GNAQ: variants seen among roughly 807,000 people sequenced by gnomAD.
GNAQ encodes the protein guanine nucleotide-binding protein G(q) subunit alpha.
A neutral mutation model predicts 43.9 loss-of-function variants in GNAQ; 8 were observed. The ratio of observed to expected loss-of-function variants is 0.18; its 90% CI spans 0.11 to 0.33. The LOEUF (loss-of-function observed/expected upper bound fraction) is 0.33, where lower values mean the gene tolerates loss of function less well. GNAQ is among the 10% of genes least tolerant of loss of function. The probability of loss-of-function intolerance (pLI) is 1.00; values close to 1 mark genes in which losing one functional copy is unlikely to be tolerated. For synonymous variants in GNAQ, 155 were observed against 170.7 expected, an observed-to-expected ratio of 0.91 and a Z score of 0.71; for missense variants, 158 against 450.8, an observed-to-expected ratio of 0.35 and a Z score of 5.88.
chr9:77,868,664 C>G (rs1827986768), intron 2 of GNAQ, among the ~76,000 whole-genome samples: 2 of 152,218 alleles, frequency 1.3e-5, no homozygotes, highest in South Asian at 4.1e-4. Flanking sequence ...GGTGTGGTGG[C>G]ACGTGCCTGT....
chr9:77,966,149 A>T (rs1310115735), intron 1 of GNAQ, among the ~76,000 whole-genome samples: 6 of 152,114 alleles, frequency 3.9e-5, no homozygotes, highest in Admixed American at 1.3e-4. Flanking sequence ...CAGGAATCAG[A>T]TCAGTGTTTG....
chr9:77,922,341 T>C lies in GNAQ; in HGVS notation c.141A>G (p.Thr47=), dbSNP rs1428777047. The change falls in exon 2 of 7, where the codon ACA becomes ACG. Residue 47 remains threonine (T), a synonymous_variant. Coordinates refer to ENST00000286548, the MANE Select transcript of GNAQ (RefSeq NM_002072.5). The stretch of plus-strand genomic sequence containing the variant: ...TAAACGTACTCTTGCCACTCTCTCC[T>C]GTCCCTGAAAGATGAACAATAGCAG... The part of the protein sequence containing the change: ...RRELKLLLLG[T]GESGKSTFIK... 1.9e-6 allele frequency: 3 copies of C among 1,610,354 alleles called. No homozygotes were observed. Among genetic ancestry groups the C allele is most frequent in the Non-Finnish European group, 8.5e-7 (1 of 1,177,020 alleles).
At chr9:77,984,078 C>CAAAAAAAAAAAAAAAAAAAAAAAAAAA (rs1823403221) in intron 1 of GNAQ, among the ~76,000 whole-genome samples, 1 of 92,954 alleles carries the variant, frequency 1.1e-5, no homozygotes, top group African/African-American at 4.4e-5. Flanking sequence ...AAAAAAAAAT[C>CAAAAAAAAAAAAAAAAAAAAAAAAAAA]ACCTAGATGA....
At chr9:77,768,345 T>TAATA (rs1826166926) in intron 5 of GNAQ, among the ~76,000 whole-genome samples, 1 of 152,196 alleles carries the variant, frequency 6.6e-6, no homozygotes, top group Non-Finnish European at 1.5e-5. Context: ...AACTAGATGA[T>TAATA]TTATTAAGAC....
At chr9:77,725,631 A>C (rs1247039980) in intron 6 of GNAQ, among the ~76,000 whole-genome samples, 1 of 150,816 alleles carries the variant, frequency 6.6e-6, no homozygotes, top group Non-Finnish European at 1.5e-5. Flanking sequence ...AATATTCACA[A>C]TGGGCACATG....
intron 5 of GNAQ, among the ~76,000 whole-genome samples, chr9:77,775,264 G>T (rs913539383): frequency 1.3e-5 from 2 of 152,030 alleles, no homozygotes; most frequent in African/African-American, 4.8e-5. Context: ...ACTACAATTA[G>T]CAATAACATT....
chr9:78,005,697 G>A (rs765868783), intron 1 of GNAQ, among the ~76,000 whole-genome samples: 9 of 152,136 alleles, frequency 5.9e-5, no homozygotes, highest in Non-Finnish European at 8.8e-5. Context: ...GGTCAAGGTT[G>A]CAGTGCCAAT....
At chr9:77,841,447 G>A (rs1404102702) in intron 2 of GNAQ, among the ~76,000 whole-genome samples, 1 of 152,130 alleles carries the variant, frequency 6.6e-6, no homozygotes, top group Admixed American at 6.5e-5. Context: ...ATTGGCAATG[G>A]AACAATCAGT....
At chr9:77,941,682 G>A (rs1224641666) in intron 1 of GNAQ, among the ~76,000 whole-genome samples, 1 of 152,052 alleles carries the variant, frequency 6.6e-6, no homozygotes, top group Non-Finnish European at 1.5e-5. Flanking sequence ...TTGATTAAAA[G>A]CATCAAAAAA....
chr9:77,981,502 C>G (rs1475051907), intron 1 of GNAQ, among the ~76,000 whole-genome samples: 1 of 152,182 alleles, frequency 6.6e-6, no homozygotes, highest in Admixed American at 6.5e-5. Context: ...CAGGGCAAGT[C>G]AGAGCAAGGG....
chr9:77,822,779 T>C (rs77485515), intron 2 of GNAQ, among the ~76,000 whole-genome samples: 1,525 of 152,260 alleles, frequency 0.01, 26 homozygotes, highest in African/African-American at 0.035. Flanking sequence ...AAAGGCTCAC[T>C]TTCCTAGAAT....
chr9:77,870,588 G>C (rs1178538531), intron 2 of GNAQ, among the ~76,000 whole-genome samples: 1 of 151,830 alleles, frequency 6.6e-6, no homozygotes, highest in Non-Finnish European at 1.5e-5. Context: ...GCCTCCCAAA[G>C]TGCTGGGATT....
intron 1 of GNAQ, among the ~76,000 whole-genome samples, chr9:78,024,312 G>A (rs1339732474): frequency 2.0e-5 from 3 of 152,190 alleles, no homozygotes; most frequent in Non-Finnish European, 4.4e-5. Flanking sequence ...GCAAAGAGGA[G>A]TGGAAAATGG....
chr9:77,885,435 G>A (rs1253684637), intron 2 of GNAQ, among the ~76,000 whole-genome samples: 1 of 152,112 alleles, frequency 6.6e-6, no homozygotes, highest in East Asian at 1.9e-4. Context: ...TTTGTTAAGG[G>A]GAGAAAAAAG....
chr9:77,898,936 T>A (rs1828548211), intron 2 of GNAQ, among the ~76,000 whole-genome samples: 1 of 152,206 alleles, frequency 6.6e-6, no homozygotes, highest in Non-Finnish European at 1.5e-5. Context: ...ACTTTCTAGA[T>A]CAGGACATAT....
intron 5 of GNAQ, among the ~76,000 whole-genome samples, chr9:77,763,651 C>G (rs1564103891): frequency 1.3e-5 from 2 of 152,192 alleles, no homozygotes; most frequent in Admixed American, 6.5e-5. Flanking sequence ...TATTTACATT[C>G]ATTACAAGGG....
chr9:77,797,800 G>C (rs1388396800), intron 3 of GNAQ, 152 bp from the exon 4 acceptor site: 1 of 646,798 alleles, frequency 1.5e-6, no homozygotes, highest in African/African-American at 1.8e-5. Flanking sequence ...GGAAAAGAAA[G>C]ATAAAGTCAA....
intron 2 of GNAQ, among the ~76,000 whole-genome samples, chr9:77,903,740 T>TAC (rs567942183): frequency 5.7e-4 from 86 of 151,968 alleles, no homozygotes; most frequent in Non-Finnish European, 8.8e-4. Context: ...TATATACATA[T>TAC]ACACACACAC....
At chr9:77,742,026 A>G (rs1423867533) in intron 5 of GNAQ, among the ~76,000 whole-genome samples, 2 of 152,208 alleles carry the variant, frequency 1.3e-5, no homozygotes, top group African/African-American at 2.4e-5. Flanking sequence ...TATTTTGTCC[A>G]TGTTCTATTA....
Sources: gnomAD v4.1 joint callset for allele counts (sites outside exome capture counted in the v4.1 genomes callset) on GRCh38, gnomAD v4.1.1 for gene constraint, MANE v1.5 for transcripts, NCBI Gene and HGNC (gene_info 2026-07-23, HGNC 2026-07-21) for gene names.